The following KCNIP3 variants were observed in gnomAD, a reference collection of about 807,000 sequenced individuals.
KCNIP3 encodes potassium voltage-gated channel interacting protein 3, also known as calsenilin.
KCNIP3 carries 28 observed loss-of-function variants against 35.0 expected under a neutral mutation model. That is an observed-to-expected ratio of 0.80 (90% CI 0.59 to 1.10). The LOEUF (loss-of-function observed/expected upper bound fraction) is 1.10, where lower values mean the gene tolerates loss of function less well. KCNIP3 is among the 50% of genes least tolerant of loss of function. The probability of loss-of-function intolerance (pLI) is 0.00; values close to 1 mark genes in which losing one functional copy is unlikely to be tolerated. For missense variants in KCNIP3, 295 were observed against 338.4 expected, an observed-to-expected ratio of 0.87 and a Z score of 1.01; for synonymous variants, 134 against 133.8, an observed-to-expected ratio of 1.00 and a Z score of -0.01.
At chr2:95,306,439 G>A (rs1046102074) in intron 1 of KCNIP3, among the ~76,000 whole-genome samples, 4 of 152,240 alleles carry the variant, frequency 2.6e-5, no homozygotes, top group Non-Finnish European at 4.4e-5. Flanking sequence ...CACTCTCGCA[G>A]AGCTGATGCG....
At chr2:95,362,634 C>T (rs1389711026) in intron 2 of KCNIP3, among the ~76,000 whole-genome samples, 1 of 152,162 alleles carries the variant, frequency 6.6e-6, no homozygotes, top group Non-Finnish European at 1.5e-5. Context: ...GTTTGCGCTC[C>T]TATGAGAATT....
intron 2 of KCNIP3, among the ~76,000 whole-genome samples, chr2:95,345,967 A>AGGC (rs1288042311): frequency 2.0e-5 from 3 of 152,086 alleles, no homozygotes; most frequent in African/African-American, 4.8e-5. Flanking sequence ...TCTGCGGAGC[A>AGGC]GGCGGCGGCG....
intron 1 of KCNIP3, among the ~76,000 whole-genome samples, chr2:95,304,955 G>A (rs1678133756): frequency 6.6e-6 from 1 of 152,166 alleles, no homozygotes; most frequent in South Asian, 2.1e-4. Context: ...TATCCTTCAG[G>A]GAAACTTGTG....
At chr2:95,324,094 C>T (rs549195569) in intron 2 of KCNIP3, among the ~76,000 whole-genome samples, 3 of 152,306 alleles carry the variant, frequency 2.0e-5, no homozygotes, top group South Asian at 2.1e-4. Flanking sequence ...CGTGGGCTGG[C>T]GGGGCCTCTG....
intron 2 of KCNIP3, among the ~76,000 whole-genome samples, chr2:95,347,335 G>C (rs1034439551): frequency 1.3e-4 from 20 of 152,198 alleles, no homozygotes; most frequent in Non-Finnish European, 2.8e-4. Context: ...TGGGCTGGGT[G>C]TGAGTGAGGC....
intron 2 of KCNIP3, chr2:95,368,600 C>T: frequency 2.6e-6 from 1 of 377,950 alleles, no homozygotes; most frequent in Non-Finnish European, 5.3e-6. Flanking sequence ...TGTGTCTTTG[C>T]CATCCCGTTT....
chr2:95,375,980 G>A lies in KCNIP3; in HGVS notation c.447+772G>A, dbSNP rs76295911. ...GAAGCACATGGGGCCAGAAGGCCCC[G>A]GCCACACGGGGTAATAATAACTTGT... On this transcript the variant is annotated intron_variant, in intron 5 of 8. Transcript: ENST00000295225. Among the ~76,000 whole-genome samples the A allele has an allele frequency of 6.2e-3, 937 of 152,330 alleles. 11 individuals carry two copies. Among genetic ancestry groups the A allele is most frequent in the African/African-American group, 0.021 (893 of 41,578 alleles).
intron 2 of KCNIP3, among the ~76,000 whole-genome samples, chr2:95,315,880 C>A (rs1678448565): frequency 6.6e-6 from 1 of 152,336 alleles, no homozygotes; most frequent in African/African-American, 2.4e-5. Context: ...TGCCTCGGGC[C>A]CCATCCACAG....
intron 8 of KCNIP3, among the ~76,000 whole-genome samples, chr2:95,383,587 G>A (rs936140443): frequency 2.6e-5 from 4 of 151,324 alleles, no homozygotes; most frequent in African/African-American, 4.8e-5. Context: ...CATGGGGCCA[G>A]CCAGAGGGAG....
chr2:95,322,349 G>C (rs1283404346), intron 2 of KCNIP3, among the ~76,000 whole-genome samples: 1 of 152,052 alleles, frequency 6.6e-6, no homozygotes, highest in Non-Finnish European at 1.5e-5. Context: ...GTAACAGAGT[G>C]AGATCCTGCC....
At chr2:95,361,553 G>A (rs1356384899) in intron 2 of KCNIP3, among the ~76,000 whole-genome samples, 1 of 152,114 alleles carries the variant, frequency 6.6e-6, no homozygotes, top group African/African-American at 2.4e-5. Flanking sequence ...GCTGTCACTG[G>A]ACCTGAGTCT....
chr2:95,308,110 G>GCA (rs1283319203), intron 1 of KCNIP3, among the ~76,000 whole-genome samples: 11 of 144,264 alleles, frequency 7.6e-5, no homozygotes, highest in East Asian at 2.0e-4. Flanking sequence ...GTGTGTGCGT[G>GCA]TGTGTGCATG....
chr2:95,325,624 C>CGT (rs1678720804), intron 2 of KCNIP3, among the ~76,000 whole-genome samples: 1 of 151,720 alleles, frequency 6.6e-6, no homozygotes, highest in African/African-American at 2.4e-5. Context: ...TACACACACA[C>CGT]ACTCACACAC....
intron 7 of KCNIP3, 150 bp from the exon 8 acceptor site, chr2:95,383,082 G>T: frequency 1.4e-6 from 1 of 706,998 alleles, no homozygotes. Context: ...ATCCAGAGTA[G>T]TCACAGGGGA....
At chr2:95,365,904 G>A (rs760563653) in intron 2 of KCNIP3, among the ~76,000 whole-genome samples, 1 of 152,018 alleles carries the variant, frequency 6.6e-6, no homozygotes, top group South Asian at 2.1e-4. Flanking sequence ...TATGAATCTC[G>A]ATACATGCAT....
intron 2 of KCNIP3, among the ~76,000 whole-genome samples, chr2:95,362,009 C>G (rs1485650018): frequency 3.3e-5 from 5 of 152,148 alleles, no homozygotes. Context: ...TGAGGGCTGT[C>G]TTCCTGGTGT....
At chr2:95,326,159 G>T (rs185891630) in intron 2 of KCNIP3, among the ~76,000 whole-genome samples, 1 of 147,234 alleles carries the variant, frequency 6.8e-6, no homozygotes, top group Admixed American at 6.8e-5. Flanking sequence ...ACTTATATAC[G>T]CACTCATATA....
chr2:95,341,838 A>G (rs1679201596), intron 2 of KCNIP3, among the ~76,000 whole-genome samples: 1 of 152,246 alleles, frequency 6.6e-6, no homozygotes. Flanking sequence ...CAAGGCAGGC[A>G]ATAGCTGTCC....
intron 2 of KCNIP3, among the ~76,000 whole-genome samples, chr2:95,333,662 A>C (rs1250359600): frequency 6.6e-6 from 1 of 152,172 alleles, no homozygotes; most frequent in Non-Finnish European, 1.5e-5. Flanking sequence ...ATTCAATGAT[A>C]CTATGTCAGT....
Sources: allele counts gnomAD v4.1 joint callset (sites outside exome capture counted in the v4.1 genomes callset), GRCh38; gene constraint gnomAD v4.1.1; transcripts MANE v1.5; gene names NCBI Gene and HGNC (gene_info 2026-07-23, HGNC 2026-07-21).